Variants in ACOXL observed in about 807,000 individuals in gnomAD.
The protein encoded by ACOXL is acyl-CoA oxidase like, also known as acyl-coenzyme A oxidase-like protein.
In ACOXL, 70 loss-of-function variants were observed where a neutral mutation model predicts 71.9. The ratio of observed to expected loss-of-function variants is 0.97; its 90% CI spans 0.80 to 1.19. ACOXL has a LOEUF of 1.19. ACOXL is among the 50% of genes most tolerant of loss of function. ACOXL has a pLI of 0.00. For missense variants in ACOXL, 703 were observed against 736.3 expected (o/e 0.95, Z 0.52); for synonymous variants, 253 against 281.6 (o/e 0.90, Z 1.02).
At chr2:110,980,502 C>G (rs1409528033) in intron 12 of ACOXL, among the ~76,000 whole-genome samples, 1 of 152,196 alleles carries the variant, frequency 6.6e-6, no homozygotes, top group Admixed American at 6.5e-5. Context: ...TATTGTGGCA[C>G]AGCAAAGCAC....
At chr2:110,819,983 A>T (rs1253569633) in intron 9 of ACOXL, among the ~76,000 whole-genome samples, 1 of 152,188 alleles carries the variant, frequency 6.6e-6, no homozygotes, top group Non-Finnish European at 1.5e-5. Flanking sequence ...TCTCCTGAGG[A>T]TGCTGATGGG....
At chr2:111,011,481 T>G (rs952838587) in intron 14 of ACOXL, among the ~76,000 whole-genome samples, 2 of 152,170 alleles carry the variant, frequency 1.3e-5, no homozygotes, top group African/African-American at 4.8e-5. Flanking sequence ...GCAAGGGTCT[T>G]CCATATGCTT....
chr2:110,992,576 C>A (rs900679624), intron 13 of ACOXL, among the ~76,000 whole-genome samples: 7 of 152,236 alleles, frequency 4.6e-5, no homozygotes, highest in Admixed American at 1.3e-4. Flanking sequence ...CGCACAGTAA[C>A]TACCCCTCAT....
chr2:110,787,416 C>G (rs370409549), intron 3 of ACOXL, among the ~76,000 whole-genome samples: 2 of 151,642 alleles, frequency 1.3e-5, no homozygotes, highest in Admixed American at 1.3e-4. Flanking sequence ...CGCCTGTAGT[C>G]CCAGCTACTC....
rs535123356 is a variant in ACOXL, at chr2:110,915,567, G to A, written c.905+6662G>A. ...GCCTCCTGAGCAACTGGGATTACAG[G>A]CAACTGCAACCACACCCAGCTAATT... On this transcript the variant is annotated intron_variant, in intron 11 of 17. Coordinates refer to ENST00000439055, the MANE Select transcript of ACOXL (RefSeq NM_001142807.4). Among the ~76,000 whole-genome samples the A allele has an allele frequency of 7.9e-5, 12 of 151,250 alleles. 1 individual carries two copies. The South Asian group carries it at 1.9e-3, about 24-fold the overall frequency.
intron 16 of ACOXL, among the ~76,000 whole-genome samples, chr2:111,062,292 A>C (rs953211131): frequency 3.3e-5 from 5 of 152,086 alleles, no homozygotes; most frequent in Non-Finnish European, 5.9e-5. Context: ...AAAGGTATGC[A>C]CCAAACATGA....
chr2:110,770,156 C>G (rs1681709877), intron 2 of ACOXL, among the ~76,000 whole-genome samples: 1 of 152,204 alleles, frequency 6.6e-6, no homozygotes, highest in South Asian at 2.1e-4. Context: ...AGGAGCCGAC[C>G]CTATCCTGCA....
At chr2:111,091,214 C>T (rs900310720) in intron 16 of ACOXL, among the ~76,000 whole-genome samples, 5 of 152,130 alleles carry the variant, frequency 3.3e-5, no homozygotes, top group African/African-American at 7.2e-5. Flanking sequence ...GGTAACAGCT[C>T]CAGTTACCAG....
rs889270234 is a variant in ACOXL at position 110,750,523 on chromosome 2, G to A, written c.-23+17749G>A. Among the ~76,000 whole-genome samples, 9 of 150,688 alleles carry A rather than the reference G, an allele frequency of 6.0e-5. No homozygotes were observed. The East Asian group carries it at 1.7e-3, about 29-fold the overall frequency. On this transcript the variant is annotated intron_variant, in intron 1 of 17. Coordinates refer to ENST00000439055, the MANE Select transcript of ACOXL (RefSeq NM_001142807.4). ...AAAGTTCTTACTTAAGAAAACAATG[G>A]CCCTACCATAATTCCATTTCTGATC... is the stretch of plus-strand genomic sequence containing the variant.
intron 9 of ACOXL, among the ~76,000 whole-genome samples, chr2:110,833,140 ATAACTCATAACTC>A: frequency 6.6e-6 from 1 of 152,356 alleles, no homozygotes. Flanking sequence ...AACTTTATTC[ATAACTCATAACTC>A]AACTGGAAAT....
At chr2:110,768,500 G>A in intron 2 of ACOXL, 36 bp downstream of exon 2, 13 of 1,537,124 alleles carry the variant, frequency 8.5e-6, no homozygotes, top group Non-Finnish European at 1.2e-5. Context: ...GGTTGTGTGT[G>A]TGTGTGTGTG....
chr2:111,093,124 A>T (rs964910922), intron 17 of ACOXL, among the ~76,000 whole-genome samples, 158 bp downstream of exon 17: 1 of 151,648 alleles, frequency 6.6e-6, no homozygotes, highest in African/African-American at 2.4e-5. Context: ...TCATGATCGT[A>T]TTACACTTAA....
chr2:110,823,327 C>A (rs1195448688), intron 9 of ACOXL, among the ~76,000 whole-genome samples: 1 of 151,802 alleles, frequency 6.6e-6, no homozygotes, highest in Non-Finnish European at 1.5e-5. Flanking sequence ...AATAGTATTC[C>A]ACTGTATAGA....
intron 14 of ACOXL, among the ~76,000 whole-genome samples, chr2:111,023,249 G>C (rs2064858399): frequency 1.3e-5 from 2 of 152,118 alleles, no homozygotes; most frequent in Admixed American, 6.5e-5. Context: ...AGATTTAGGA[G>C]TAAGCACGGT....
intron 10 of ACOXL, among the ~76,000 whole-genome samples, chr2:110,844,154 C>T (rs899484970): frequency 4.6e-5 from 7 of 152,222 alleles, no homozygotes; most frequent in Admixed American, 3.3e-4. Context: ...CTTGGCTGGG[C>T]CTCTCACAAA....
chr2:110,780,622 C>A (rs552466554), intron 2 of ACOXL, among the ~76,000 whole-genome samples: 9 of 152,210 alleles, frequency 5.9e-5, no homozygotes, highest in Admixed American at 3.9e-4. Flanking sequence ...TATGGATATC[C>A]TTAGTTTAAC....
intron 14 of ACOXL, among the ~76,000 whole-genome samples, chr2:111,021,651 C>G (rs1404696178): frequency 6.6e-6 from 1 of 151,914 alleles, no homozygotes; most frequent in Non-Finnish European, 1.5e-5. Context: ...AGGGGAGGAC[C>G]CTCTTCCCAA....
chr2:111,073,119 G>C (rs925021054), intron 16 of ACOXL, among the ~76,000 whole-genome samples: 1 of 152,062 alleles, frequency 6.6e-6, no homozygotes, highest in Non-Finnish European at 1.5e-5. Flanking sequence ...TCCTACTGTT[G>C]AGCTTTGAGA....
chr2:111,095,539 C>T (rs776314306), intron 17 of ACOXL, among the ~76,000 whole-genome samples: 12 of 151,616 alleles, frequency 7.9e-5, no homozygotes, highest in East Asian at 1.9e-4. Flanking sequence ...TATAGGCACC[C>T]GCCACCATGC....
Sources: gnomAD v4.1 joint callset for allele counts (sites outside exome capture counted in the v4.1 genomes callset) on GRCh38, gnomAD v4.1.1 for gene constraint, MANE v1.5 for transcripts, NCBI Gene and HGNC (gene_info 2026-07-23, HGNC 2026-07-21) for gene names.